Variants in MANBA observed in about 807,000 individuals in gnomAD.
The protein encoded by MANBA is beta-mannosidase.
Under a neutral mutation model 111.1 loss-of-function variants are expected in MANBA, and 83 were observed. That is an observed-to-expected ratio of 0.75 (90% CI 0.63 to 0.90). MANBA has a LOEUF of 0.90. Among genes scored for constraint, MANBA ranks in the 40% least tolerant of loss-of-function variants. The pLI, the probability that MANBA is intolerant of heterozygous loss-of-function variation, is 0.00. For synonymous variants in MANBA, 370 were observed against 378.7 expected (o/e 0.98, Z 0.27); for missense variants, 1,036 against 1,069.0 (o/e 0.97, Z 0.43).
intron 5 of MANBA, among the ~76,000 whole-genome samples, chr4:102,700,930 C>T (rs1733002928): frequency 6.6e-6 from 1 of 151,804 alleles, no homozygotes; most frequent in African/African-American, 2.4e-5. Context: ...CTTTCTGTCT[C>T]GTTGATCTGT....
chr4:102,697,971 C>A (rs1351365118), intron 5 of MANBA, among the ~76,000 whole-genome samples: 8 of 151,714 alleles, frequency 5.3e-5, no homozygotes, highest in African/African-American at 1.9e-4. Context: ...TACAGTCCCA[C>A]CAACAGTGTA....
rs78963175 is a variant in MANBA at position 102,736,347 on chromosome 4, C to T, written c.178-9664G>A. On this transcript the variant is annotated intron_variant, in intron 1 of 16. Coordinates refer to ENST00000647097, the MANE Select transcript of MANBA (RefSeq NM_005908.4). ...TACCATATTTACTATGTTTACTGTA[C>T]ATCAACAAACCATGTGTCATCAGAG... Among the ~76,000 whole-genome samples the T allele has an allele frequency of 6.4e-3, 978 of 152,290 alleles. 8 individuals carry two copies. Among genetic ancestry groups the T allele is most frequent in the Non-Finnish European group, 9.0e-3 (612 of 68,024 alleles).
intron 11 of MANBA, among the ~76,000 whole-genome samples, chr4:102,659,460 C>T (rs1472172488): frequency 2.6e-5 from 4 of 152,072 alleles, no homozygotes; most frequent in Non-Finnish European, 4.4e-5. Context: ...AAATCCTTAA[C>T]CCTTTCCTTT....
At position 102,752,222 on chromosome 4, in the gene MANBA, G is replaced by A. The variant is rs1723834898; in HGVS notation, c.177+8496C>T. 7 of 887,138 alleles carry A rather than the reference G, an allele frequency of 7.9e-6. No individual in the cohort carries two copies. The South Asian group carries it at 9.1e-5, about 12-fold the overall frequency. 55.0% of individuals were successfully genotyped at this position (887,138 alleles called of 1,614,324 possible). On this transcript the variant is annotated intron_variant, in intron 1 of 16. Coordinates refer to ENST00000647097, the MANE Select transcript of MANBA (RefSeq NM_005908.4). ...TGCATCTTGGGACCATACAATTAGA[G>A]TGTAGGATGTTGAGTCTGACAGTCT... is the stretch of plus-strand genomic sequence containing the variant.
chr4:102,752,644 G>A lies in MANBA; in HGVS notation c.177+8074C>T, dbSNP rs1435803120. 1.0e-5 allele frequency: 6 copies of A among 572,534 alleles called. No individual in the cohort carries two copies. The African/African-American group carries it at 1.1e-4, about 11-fold the overall frequency. The allele number at this position is 572,534 out of a possible 1,614,324, so 35.5% of individuals were successfully genotyped here. A position where few individuals can be genotyped will look rare whatever the true frequency, so the allele number is the denominator to read the frequency against. ...CCACTTTCCATGTGGGGGCATGAAA[G>A]TGAATGATAAATTGATCATAGAGAT... On this transcript the variant is annotated intron_variant, in intron 1 of 16. Coordinates refer to ENST00000647097, the MANE Select transcript of MANBA (RefSeq NM_005908.4).
chr4:102,636,487 G>T (rs923330487), intron 14 of MANBA, among the ~76,000 whole-genome samples: 1 of 152,224 alleles, frequency 6.6e-6, no homozygotes, highest in African/African-American at 2.4e-5. Context: ...TGACTGAAAT[G>T]TTATACGGTG....
At chr4:102,715,343 A>C (rs1478390886) in intron 4 of MANBA, among the ~76,000 whole-genome samples, 2 of 152,158 alleles carry the variant, frequency 1.3e-5, no homozygotes, top group Non-Finnish European at 2.9e-5. Context: ...ACTTGAGCCA[A>C]GCCTTGAGAC....
chr4:102,702,174 C>G (rs1318775908), intron 5 of MANBA, among the ~76,000 whole-genome samples: 1 of 151,830 alleles, frequency 6.6e-6, no homozygotes, highest in East Asian at 1.9e-4. Context: ...CTTCTGCATT[C>G]TTCACGTAGT....
At chr4:102,646,328 C>T (rs973709055) in intron 13 of MANBA, among the ~76,000 whole-genome samples, 4 of 152,100 alleles carry the variant, frequency 2.6e-5, no homozygotes, top group African/African-American at 4.8e-5. Flanking sequence ...GATCTTCCAT[C>T]GTGTCTCAGT....
Position 102,737,915 on chromosome 4 carries a change from G to C in MANBA, c.178-11232C>G, listed in dbSNP as rs559688098. ...GGCCATGGCAGGCCCCACCCAAAAA[G>C]AGTCTGAGCTCAGACCCTAACCCTG... On this transcript the variant is annotated intron_variant, in intron 1 of 16. Transcript: ENST00000647097. Among the ~76,000 whole-genome samples the C allele has an allele frequency of 5.9e-5, 9 of 152,280 alleles. No individual in the cohort carries two copies. In the South Asian group the frequency reaches 1.7e-3, roughly 28 times the overall value.
chr4:102,742,930 C>T (rs1390784122), intron 1 of MANBA, among the ~76,000 whole-genome samples: 5 of 152,144 alleles, frequency 3.3e-5, no homozygotes, highest in African/African-American at 4.8e-5. Flanking sequence ...TCAGCAGTGC[C>T]GTGGCCAGGT....
intron 13 of MANBA, among the ~76,000 whole-genome samples, chr4:102,643,479 T>C (rs1489102435): frequency 6.6e-6 from 1 of 152,132 alleles, no homozygotes; most frequent in Non-Finnish European, 1.5e-5. Context: ...TAACAAACTG[T>C]TTACCGCAGC....
intron 1 of MANBA, chr4:102,752,126 A>T (rs1166733356): frequency 3.9e-6 from 3 of 768,020 alleles, no homozygotes; most frequent in Non-Finnish European, 7.3e-6. Flanking sequence ...TATGACTCCC[A>T]TAGTGACCCT....
intron 7 of MANBA, among the ~76,000 whole-genome samples, chr4:102,683,969 C>A (rs1732095562): frequency 6.6e-6 from 1 of 152,162 alleles, no homozygotes; most frequent in African/African-American, 2.4e-5. Flanking sequence ...ATGTAGTCGG[C>A]CCTTTCCTCT....
In MANBA at chr4:102,631,930, T is replaced by C; in HGVS notation, c.*127A>G. On this transcript the variant is annotated 3_prime_UTR_variant, in exon 17 of 17. Coordinates refer to ENST00000647097, the MANE Select transcript of MANBA (RefSeq NM_005908.4). ...GTACAACTCTTCACAGAGCAATCGC[T>C]CAAATGCGTGGCAGCACGCAGACAT... 1.2e-6 allele frequency: 1 copy of C among 825,544 alleles called. No homozygotes were observed. The highest frequency in any genetic ancestry group is 2.0e-6 in the Non-Finnish European group (1 of 491,492). The allele number at this position is 825,544 out of a possible 1,614,324, so 51.1% of individuals were successfully genotyped here. A position where few individuals can be genotyped will look rare whatever the true frequency, so the allele number is the denominator to read the frequency against.
At chr4:102,727,882 G>A (rs1285141322) in intron 1 of MANBA, 5 of 549,398 alleles carry the variant, frequency 9.1e-6, no homozygotes, top group African/African-American at 1.9e-5. Flanking sequence ...CTTGTGAAGG[G>A]GCATTTATGA....
intron 1 of MANBA, among the ~76,000 whole-genome samples, chr4:102,733,626 G>A (rs1025631336): frequency 6.6e-6 from 1 of 152,198 alleles, no homozygotes; most frequent in African/African-American, 2.4e-5. Context: ...CTCCCAAAAT[G>A]CTGAGATTAC....
At chr4:102,726,720 A>G (rs562381317) in intron 1 of MANBA, 37 bp from the exon 2 acceptor site, 37 of 888,008 alleles carry the variant, frequency 4.2e-5, no homozygotes, top group Non-Finnish European at 6.5e-5. Context: ...TAGATGGTTA[A>G]ATATGCACAA....
At chr4:102,683,724 C>T (rs1360865392) in intron 7 of MANBA, among the ~76,000 whole-genome samples, 1 of 152,166 alleles carries the variant, frequency 6.6e-6, no homozygotes, top group African/African-American at 2.4e-5. Context: ...GTTTCCCAAA[C>T]TGATAAAGCT....
Sources: allele counts gnomAD v4.1 joint callset (sites outside exome capture counted in the v4.1 genomes callset), GRCh38; gene constraint gnomAD v4.1.1; transcripts MANE v1.5; gene names NCBI Gene and HGNC (gene_info 2026-07-23, HGNC 2026-07-21).